The following TMLHE variants were observed in gnomAD, a reference collection of about 807,000 sequenced individuals.
TMLHE encodes trimethyllysine dioxygenase, mitochondrial.
In TMLHE, 18 loss-of-function variants were observed where a neutral mutation model predicts 25.7. That is an observed-to-expected ratio of 0.70 (90% CI 0.48 to 1.04). The LOEUF is 1.04. TMLHE is among the 50% of genes least tolerant of loss of function. The pLI is 0.00. For missense variants in TMLHE, 236 were observed against 259.0 expected (o/e 0.91, Z 0.61); for synonymous variants, 105 against 97.0 (o/e 1.08, Z -0.49).
chrX:155,547,167 C>CACTA, intron 1 of TMLHE, among the ~76,000 whole-genome samples: 1 of 102,008 alleles, frequency 9.8e-6, no homozygotes, highest in South Asian at 4.6e-4. Flanking sequence ...TTTTTTGAGA[C>CACTA]GGAGTCTTGC....
At chrX:155,559,960 T>C (rs1038146205) in intron 1 of TMLHE, among the ~76,000 whole-genome samples, 1 of 112,621 alleles carries the variant, frequency 8.9e-6, no homozygotes, top group East Asian at 2.8e-4. Flanking sequence ...CCCAGCTCCC[T>C]TAGGAAGAGT....
rs377327441 is a variant in TMLHE, at chrX:155,580,066, C to T, written c.-2+32726G>A. Among the ~76,000 whole-genome samples the T allele has an allele frequency of 1.5e-3, 168 of 111,450 alleles. 3 individuals are homozygous for T. In the South Asian group the frequency reaches 0.038, roughly 25 times the overall value. ...AGAATGGGAGAAAAATATTTGCAAA[C>T]GATGCATCCAACATGAACCTAGTTC... On this transcript the variant is annotated intron_variant, in intron 1 of 7. Transcript: ENST00000334398.
intron 1 of TMLHE, among the ~76,000 whole-genome samples, chrX:155,600,602 G>A (rs183344885): frequency 1.5e-3 from 170 of 111,905 alleles, no homozygotes; most frequent in African/African-American, 5.3e-3. Context: ...ACTAGTTGAA[G>A]CAAATGAGAC....
intron 2 of TMLHE, among the ~76,000 whole-genome samples, chrX:155,544,019 T>A (rs781851311): frequency 1.5e-4 from 17 of 112,088 alleles, no homozygotes; most frequent in Admixed American, 2.8e-4. Context: ...CTTGCAGCTC[T>A]TCCAGCTGTA....
intron 2 of TMLHE, among the ~76,000 whole-genome samples, chrX:155,536,460 A>G (rs782562691): frequency 9.0e-6 from 1 of 111,295 alleles, no homozygotes; most frequent in African/African-American, 3.3e-5. Context: ...GCAGTGTAGT[A>G]GTGGAATAAA....
chrX:155,521,838 CT>C (rs2067188289), intron 3 of TMLHE, among the ~76,000 whole-genome samples: 1 of 81,183 alleles, frequency 1.2e-5, no homozygotes, highest in African/African-American at 4.6e-5. Flanking sequence ...TCCCTGACCC[CT>C]TGCGCTTCCC....
At chrX:155,553,980 T>C (rs2067431690) in intron 1 of TMLHE, among the ~76,000 whole-genome samples, 1 of 66,315 alleles carries the variant, frequency 1.5e-5, no homozygotes, top group African/African-American at 4.7e-5. Context: ...ATTACTATTT[T>C]TATTCATTCA....
intron 1 of TMLHE, among the ~76,000 whole-genome samples, chrX:155,571,295 A>G (rs782605018): frequency 1.8e-5 from 1 of 55,962 alleles, no homozygotes; most frequent in Non-Finnish European, 4.6e-5. Flanking sequence ...AAGAAGTTGA[A>G]TCTCTGAATA....
chrX:155,555,043 CCT>C (rs1291759642), intron 1 of TMLHE, among the ~76,000 whole-genome samples: 3 of 109,851 alleles, frequency 2.7e-5, no homozygotes, highest in African/African-American at 6.7e-5. Flanking sequence ...CTCCCCACCC[CCT>C]GACAGGCCCC....
intron 1 of TMLHE, among the ~76,000 whole-genome samples, chrX:155,574,168 CA>C (rs1557343558): frequency 9.3e-6 from 1 of 107,850 alleles, no homozygotes; most frequent in East Asian, 2.8e-4. Flanking sequence ...GGCCTGCCAG[CA>C]AGAAATTTAA....
rs782380200 is a variant in TMLHE, at chrX:155,573,351, G to A, written c.-1-28074C>T. 1.2e-4 allele frequency among the ~76,000 whole-genome samples: 7 copies of A among 56,562 alleles called. 3 individuals carry two copies. The East Asian group carries it at 5.2e-3, about 42-fold the overall frequency. The allele number at this position is 56,562 out of a possible 115,157, so 49.1% of individuals were successfully genotyped here. ...GGAAACAACAGGTGCTGGAGAGGAT[G>A]TGGAGAAATAGGAACACTTTTACAC... is the stretch of plus-strand genomic sequence containing the variant. On this transcript the variant is annotated intron_variant, in intron 1 of 7. Transcript: ENST00000334398.
At chrX:155,557,743 C>T (rs2067467935) in intron 1 of TMLHE, among the ~76,000 whole-genome samples, 1 of 111,422 alleles carries the variant, frequency 9.0e-6, no homozygotes, top group African/African-American at 3.3e-5. Context: ...AGTTCCTCCT[C>T]ACAGTAAATT....
intron 2 of TMLHE, among the ~76,000 whole-genome samples, chrX:155,541,892 G>A (rs1168537728): frequency 9.5e-6 from 1 of 105,242 alleles, no homozygotes; most frequent in African/African-American, 3.4e-5. Flanking sequence ...TGATGGGGTT[G>A]TTTTTTTTTT....
At chrX:155,570,767 A>G (rs1204366144) in intron 1 of TMLHE, among the ~76,000 whole-genome samples, 4 of 57,372 alleles carry the variant, frequency 7.0e-5, no homozygotes, top group African/African-American at 1.7e-4. Context: ...AGGCAGAAAT[A>G]AAGATATTCT....
chrX:155,548,628 A>ATTG (rs2067384075), intron 1 of TMLHE, among the ~76,000 whole-genome samples: 2 of 108,270 alleles, frequency 1.8e-5, no homozygotes, highest in South Asian at 8.2e-4. Flanking sequence ...CCAGCTACTC[A>ATTG]GGAGGCTGAG....
Position 155,524,609 on chromosome X carries a change from T to C in TMLHE, c.205A>G (p.Met69Val). Residue 69 changes from methionine to valine, a missense_variant, in exon 3 of 8, where the codon ATG (methionine) becomes GTG (valine). Transcript: ENST00000334398. ...CGAAGCCAGACGTAATCAAAGCGCA[T>C]CACGGTATTAGCATATTTCAGCTCT... Reference protein sequence around the residue: ...HFELKYANTVMRFDYVWLRDH... With the variant: ...HFELKYANTVVRFDYVWLRDH... The C allele has an allele frequency of 1.7e-6, 2 of 1,199,716 alleles. No homozygotes were observed. Among genetic ancestry groups the C allele is most frequent in the Non-Finnish European group, 2.2e-6 (2 of 889,422 alleles).
chrX:155,598,266 G>A (rs936225226), intron 1 of TMLHE, among the ~76,000 whole-genome samples: 7 of 110,553 alleles, frequency 6.3e-5, no homozygotes, highest in East Asian at 2.8e-4. Flanking sequence ...TGTTTATTGC[G>A]GCACTATTCA....
chrX:155,548,155 T>C (rs1002585389), intron 1 of TMLHE, among the ~76,000 whole-genome samples: 5 of 111,552 alleles, frequency 4.5e-5, no homozygotes, highest in African/African-American at 1.6e-4. Flanking sequence ...CAAGAAAACA[T>C]TGGGGAAACA....
At chrX:155,549,781 G>C (rs782688308) in intron 1 of TMLHE, among the ~76,000 whole-genome samples, 3 of 109,766 alleles carry the variant, frequency 2.7e-5, no homozygotes, top group South Asian at 3.9e-4. Context: ...AGAACGTGCA[G>C]GTTTGTTACA....
Sources: allele counts gnomAD v4.1 joint callset (sites outside exome capture counted in the v4.1 genomes callset), GRCh38; gene constraint gnomAD v4.1.1; transcripts MANE v1.5; gene names NCBI Gene and HGNC (gene_info 2026-07-23, HGNC 2026-07-21).